PGBD5: variants seen among roughly 807,000 people sequenced by gnomAD.
PGBD5 encodes the protein piggyBac transposable element derived 5.
In PGBD5, 14 loss-of-function variants were observed where a neutral mutation model predicts 47.9. That is an observed-to-expected ratio of 0.29 (90% CI 0.19 to 0.46). The LOEUF (loss-of-function observed/expected upper bound fraction) is 0.46. Among genes scored for constraint, PGBD5 ranks in the 20% least tolerant of loss-of-function variants. The probability of loss-of-function intolerance (pLI) is 1.00; values close to 1 mark genes in which losing one functional copy is unlikely to be tolerated. For missense variants in PGBD5, 635 were observed against 716.0 expected, an observed-to-expected ratio of 0.89 and a Z score of 1.29; for synonymous variants, 316 against 306.3, an observed-to-expected ratio of 1.03 and a Z score of -0.33.
intron 1 of PGBD5, among the ~76,000 whole-genome samples, chr1:230,402,056 G>A (rs1389163406): frequency 3.3e-5 from 5 of 152,192 alleles, no homozygotes; most frequent in Admixed American, 1.3e-4. Context: ...GAGGGGGAGA[G>A]AAGGCAGTTT....
rs1666915956 is a variant in PGBD5, at chr1:230,315,125, T to C, written c.*8300A>G. On this transcript the variant is annotated 3_prime_UTR_variant, in exon 7 of 7. Coordinates refer to ENST00000391860, the MANE Select transcript of PGBD5 (RefSeq NM_001258311.2). Reference sequence around the variant, plus strand: ...GCTTCCTGGCTATTTTCAACTCTTCTTAGTGAAGACCAGCATTGCCAGCCC... The same window carrying C: ...GCTTCCTGGCTATTTTCAACTCTTCCTAGTGAAGACCAGCATTGCCAGCCC... The C allele has an allele frequency of 2.0e-5, 3 of 152,146 alleles. No homozygotes were observed. The South Asian group carries it at 6.2e-4, about 32-fold the overall frequency. The allele number at this position is 152,146 out of a possible 1,614,324, so 9.4% of individuals were successfully genotyped here.
rs986857949 is a variant in PGBD5 at position 230,420,574 on chromosome 1, C to A, written c.331+5024G>T. On this transcript the variant is annotated intron_variant, in intron 1 of 6. Coordinates refer to ENST00000391860, the MANE Select transcript of PGBD5 (RefSeq NM_001258311.2). The stretch of plus-strand genomic sequence containing the variant: ...GCTGTTCTCGTGACAGTGAGTGAAC[C>A]AAGATCTGATGGCTTTATAAGCATC... Among the ~76,000 whole-genome samples the A allele has an allele frequency of 1.6e-4, 24 of 152,134 alleles. 1 individual carries two copies. The highest frequency in any genetic ancestry group is 1.3e-3 in the Admixed American group (20 of 15,276).
In PGBD5 at chr1:230,403,736, CA is replaced by C. The variant is rs1218785143; in HGVS notation, c.331+21861del. ...ACAGAAGAGCCGCCTTCTCTCCCAC[CA>C]GGGCAGGCCCACTAACCCCATCAGT... is the stretch of plus-strand genomic sequence containing the variant. On this transcript the variant is annotated intron_variant, in intron 1 of 6. Coordinates refer to ENST00000391860, the MANE Select transcript of PGBD5 (RefSeq NM_001258311.2). Among the ~76,000 whole-genome samples, 3 of 152,210 alleles carry C rather than the reference CA, an allele frequency of 2.0e-5. No individual in the cohort carries two copies. In the East Asian group the frequency reaches 5.8e-4, roughly 29 times the overall value.
intron 1 of PGBD5, among the ~76,000 whole-genome samples, chr1:230,369,334 G>A (rs914379934): frequency 1.3e-5 from 2 of 152,250 alleles, no homozygotes. Context: ...ACACCTATAA[G>A]ACAGGCTCAT....
Position 230,335,826 on chromosome 1 carries a change from G to GATGCGC in PGBD5, c.1075+1281_1075+1282insGCGCAT, listed in dbSNP as rs1667312054. On this transcript the variant is annotated intron_variant, in intron 4 of 6. Transcript: ENST00000391860. ...ACACACAGACACATACACTGACACA[G>GATGCGC]ACATACACATACACACACAGACACA... Among the ~76,000 whole-genome samples the GATGCGC allele has an allele frequency of 5.1e-5, 5 of 97,884 alleles. 1 individual carries two copies. Among genetic ancestry groups the GATGCGC allele is most frequent in the Non-Finnish European group, 8.6e-5 (4 of 46,452 alleles). The allele number at this position is 97,884 out of a possible 152,430, so 64.2% of individuals were successfully genotyped here. A position where few individuals can be genotyped will look rare whatever the true frequency, so the allele number is the denominator to read the frequency against.
intron 1 of PGBD5, among the ~76,000 whole-genome samples, chr1:230,410,598 G>C (rs1156732693): frequency 2.0e-5 from 3 of 151,954 alleles, no homozygotes; most frequent in Non-Finnish European, 4.4e-5. Flanking sequence ...AAATCAAAAG[G>C]GGAACTGGAG....
intron 1 of PGBD5, among the ~76,000 whole-genome samples, chr1:230,411,866 A>C (rs1657417183): frequency 2.0e-5 from 3 of 152,358 alleles, no homozygotes; most frequent in Admixed American, 1.3e-4. Flanking sequence ...AATCATAGGA[A>C]TAATAGCAAC....
Position 230,389,762 on chromosome 1 carries a change from A to T in PGBD5, c.332-32441T>A, listed in dbSNP as rs565010623. Among the ~76,000 whole-genome samples, 18 of 152,386 alleles carry T rather than the reference A, an allele frequency of 1.2e-4. No homozygotes were observed. In the South Asian group the frequency reaches 3.7e-3, roughly 32 times the overall value. The stretch of plus-strand genomic sequence containing the variant: ...CAATTAGTAAATGTTTCATTAAAAT[A>T]GAGAAAGTTTAGCCTTATGCCAACT... On this transcript the variant is annotated intron_variant, in intron 1 of 6. Transcript: ENST00000391860.
At chr1:230,386,988 G>A (rs1438864432) in intron 1 of PGBD5, among the ~76,000 whole-genome samples, 1 of 152,192 alleles carries the variant, frequency 6.6e-6, no homozygotes, top group Non-Finnish European at 1.5e-5. Context: ...TCTCCAAACT[G>A]AGATGATGTG....
At position 230,356,991 on chromosome 1, in the gene PGBD5, CG is replaced by C; in HGVS notation, c.661del (p.Arg221AlafsTer39). The C allele has an allele frequency of 6.2e-7, 1 of 1,614,186 alleles. No individual in the cohort carries two copies. Among genetic ancestry groups the C allele is most frequent in the Non-Finnish European group, 8.5e-7 (1 of 1,180,040 alleles). ...ILKYFHVVAF[R>X]SSQTTHGLYK... ...GAGCCCGTGCGTGGTCTGGCTGGAG[CG>C]GAAGGCCACGACGTGGAAGTACTTG... is the stretch of plus-strand genomic sequence containing the variant. On this transcript the variant is annotated frameshift_variant, in exon 2 of 7. Coordinates refer to ENST00000391860, the MANE Select transcript of PGBD5 (RefSeq NM_001258311.2). LOFTEE classifies it high-confidence loss of function.
chr1:230,322,171 G>C lies in PGBD5; in HGVS notation c.*1254C>G, dbSNP rs1667042262. The C allele has an allele frequency of 6.6e-6, 1 of 152,218 alleles. No homozygotes were observed. The highest frequency in any genetic ancestry group is 6.5e-5 in the Admixed American group (1 of 15,278). The allele number at this position is 152,218 out of a possible 1,614,324, so 9.4% of individuals were successfully genotyped here. ...GGCTTCCCTGGAGACGCATAAACCT[G>C]GGTTGGGAAAGTGCCCAGATCTGCC... On this transcript the variant is annotated 3_prime_UTR_variant, in exon 7 of 7. Coordinates refer to ENST00000391860, the MANE Select transcript of PGBD5 (RefSeq NM_001258311.2). This position sits in a 1 kb window ranked among gnomAD's most constrained non-coding sequence, Gnocchi z 5.9.
chr1:230,401,479 G>A (rs1260282655), intron 1 of PGBD5, among the ~76,000 whole-genome samples: 2 of 152,150 alleles, frequency 1.3e-5, no homozygotes, highest in African/African-American at 4.8e-5. Context: ...ATAGCAAACA[G>A]CACTAAGGAA....
intron 1 of PGBD5, among the ~76,000 whole-genome samples, chr1:230,374,003 A>G (rs1667973265): frequency 6.6e-6 from 1 of 152,218 alleles, no homozygotes; most frequent in Admixed American, 6.5e-5. Flanking sequence ...TTATAACAGC[A>G]AAACAGGGCA....
intron 4 of PGBD5, among the ~76,000 whole-genome samples, chr1:230,335,112 T>G (rs951749788): frequency 5.2e-4 from 45 of 87,060 alleles, no homozygotes; most frequent in African/African-American, 1.7e-3. Flanking sequence ...CACACACAGA[T>G]ACACAGATAC....
At chr1:230,346,401 G>A (rs916302271) in intron 3 of PGBD5, among the ~76,000 whole-genome samples, 7 of 152,198 alleles carry the variant, frequency 4.6e-5, no homozygotes, top group South Asian at 4.1e-4. Context: ...ATTATAAGTC[G>A]AGGAGCTTCT....
chr1:230,326,668 G>A (rs1667122213), intron 5 of PGBD5, among the ~76,000 whole-genome samples: 1 of 152,016 alleles, frequency 6.6e-6, no homozygotes, highest in Non-Finnish European at 1.5e-5. Flanking sequence ...TGTTGCCTAG[G>A]TCTCACCATG....
intron 1 of PGBD5, among the ~76,000 whole-genome samples, chr1:230,358,377 A>G (rs924871280): frequency 1.5e-4 from 23 of 152,142 alleles, no homozygotes; most frequent in African/African-American, 5.3e-4. Flanking sequence ...TGGTAAGTTG[A>G]GGCGGTTTTG....
intron 1 of PGBD5, among the ~76,000 whole-genome samples, chr1:230,391,827 A>T (rs1430220281): frequency 6.6e-6 from 1 of 152,232 alleles, no homozygotes; most frequent in Non-Finnish European, 1.5e-5. Flanking sequence ...CCTGGCACTG[A>T]TCTTCGTTAA....
chr1:230,363,301 G>A lies in PGBD5; in HGVS notation c.332-5980C>T, dbSNP rs143987137. ...CATCAGGAAGAAAAGGATGGCTTTG[G>A]CCAGGCATGGTGGCTCATGCCTGTA... On this transcript the variant is annotated intron_variant, in intron 1 of 6. Transcript: ENST00000391860. Among the ~76,000 whole-genome samples, 17 of 152,300 alleles carry A rather than the reference G, an allele frequency of 1.1e-4. No homozygotes were observed. In the East Asian group the frequency reaches 3.3e-3, roughly 29 times the overall value.
Sources: gnomAD v4.1 joint callset for allele counts (sites outside exome capture counted in the v4.1 genomes callset) on GRCh38, gnomAD v4.1.1 for gene constraint, Gnocchi (gnomAD v3.1) non-coding constraint, MANE v1.5 for transcripts, NCBI Gene and HGNC (gene_info 2026-07-23, HGNC 2026-07-21) for gene names.